LRP1B: variants seen among roughly 807,000 people sequenced by gnomAD.
LRP1B encodes LDL receptor related protein 1B.
A neutral mutation model predicts 556.6 loss-of-function variants in LRP1B; 217 were observed. The ratio of observed to expected loss-of-function variants is 0.39; its 90% CI spans 0.35 to 0.44. The LOEUF (loss-of-function observed/expected upper bound fraction) is 0.44, where lower values mean the gene tolerates loss of function less well. LRP1B is among the 20% of genes least tolerant of loss of function. The pLI is 1.00. For missense variants in LRP1B, 5,053 were observed against 5,620.8 expected (o/e 0.90, Z 3.23); for synonymous variants, 2,047 against 1,865.8 (o/e 1.10, Z -2.50).
chr2:140,827,903 A>C (rs1691564083), intron 31 of LRP1B, among the ~76,000 whole-genome samples: 4 of 152,138 alleles, frequency 2.6e-5, no homozygotes, highest in Admixed American at 2.6e-4. Context: ...AAGGAGCTCC[A>C]ATTCACTTGG....
chr2:141,872,820 AAATT>A (rs772159305), intron 1 of LRP1B, among the ~76,000 whole-genome samples: 4 of 152,158 alleles, frequency 2.6e-5, no homozygotes, highest in South Asian at 2.1e-4. Flanking sequence ...GATACTACTT[AAATT>A]AATTAATTAA....
rs62155431 is a variant in LRP1B, at chr2:141,906,016, G to C, written c.83-95615C>G. On this transcript the variant is annotated intron_variant, in intron 1 of 90. Transcript: ENST00000389484. ...GATGTGTGTGTGTGTGTGTGTGTGT[G>C]TGTGTGTGTCTGTGTGTATATACAT... Among the ~76,000 whole-genome samples the C allele has an allele frequency of 3.0e-5, 3 of 100,078 alleles. No homozygotes were observed. The Admixed American group carries it at 3.6e-4, about 12-fold the overall frequency. The allele number at this position is 100,078 out of a possible 152,430, so 65.7% of individuals were successfully genotyped here.
intron 1 of LRP1B, among the ~76,000 whole-genome samples, chr2:141,825,122 T>C (rs559223260): frequency 7.9e-4 from 121 of 152,216 alleles, no homozygotes; most frequent in Non-Finnish European, 1.6e-3. Context: ...GTTTATAAAT[T>C]ACCCAGTCTC....
At chr2:142,015,587 C>A (rs1330084155) in intron 1 of LRP1B, among the ~76,000 whole-genome samples, 1 of 152,020 alleles carries the variant, frequency 6.6e-6, no homozygotes, top group Non-Finnish European at 1.5e-5. Flanking sequence ...GAACAGGCAA[C>A]CCCTACAGAA....
intron 84 of LRP1B, among the ~76,000 whole-genome samples, chr2:140,278,032 T>C (rs1402161962): frequency 7.0e-5 from 3 of 42,634 alleles, no homozygotes; most frequent in Non-Finnish European, 5.9e-5. Flanking sequence ...AATGCACATA[T>C]ACAAACACAC....
chr2:141,596,114 AC>A (rs552124345), intron 2 of LRP1B, among the ~76,000 whole-genome samples: 156 of 151,938 alleles, frequency 1.0e-3, no homozygotes, highest in African/African-American at 3.2e-3. Context: ...ACCATGGCAA[AC>A]CTTTTGTTTA....
At chr2:141,011,022 A>G (rs994499873) in intron 14 of LRP1B, among the ~76,000 whole-genome samples, 1 of 148,598 alleles carries the variant, frequency 6.7e-6, no homozygotes, top group South Asian at 2.1e-4. Context: ...ATATAAATAA[A>G]TATAGTTTTT....
At chr2:140,873,123 A>G (rs1029400190) in intron 25 of LRP1B, among the ~76,000 whole-genome samples, 1 of 152,108 alleles carries the variant, frequency 6.6e-6, no homozygotes, top group Non-Finnish European at 1.5e-5. Flanking sequence ...AAGACTTTAG[A>G]AATGTGTTAA....
chr2:141,135,305 C>T (rs964954723), intron 7 of LRP1B, among the ~76,000 whole-genome samples: 5 of 151,896 alleles, frequency 3.3e-5, no homozygotes, highest in Admixed American at 2.0e-4. Flanking sequence ...ATTTTATCTG[C>T]GTAGCACAAT....
intron 29 of LRP1B, among the ~76,000 whole-genome samples, chr2:140,846,319 C>T (rs1192027032): frequency 6.6e-6 from 1 of 152,076 alleles, no homozygotes; most frequent in African/African-American, 2.4e-5. Flanking sequence ...CTTGGTGTTT[C>T]AGGACATGTA....
chr2:141,798,563 T>TGGGCGTG (rs1695897861), intron 2 of LRP1B, among the ~76,000 whole-genome samples: 2 of 151,294 alleles, frequency 1.3e-5, no homozygotes, highest in African/African-American at 4.9e-5. Context: ...AAAAATTAGC[T>TGGGCGTG]GGGCGTGGTG....
At chr2:141,480,323 T>C (rs1336362625) in intron 3 of LRP1B, 73 bp downstream of exon 3, 2 of 1,516,416 alleles carry the variant, frequency 1.3e-6, no homozygotes, top group Non-Finnish European at 9.1e-7. Flanking sequence ...AGGCAGGTTA[T>C]AGGTTTTCTT....
chr2:141,522,138 C>A (rs890149074), intron 2 of LRP1B, among the ~76,000 whole-genome samples: 39 of 152,078 alleles, frequency 2.6e-4, no homozygotes, highest in African/African-American at 9.4e-4. Context: ...GCTAGAAATG[C>A]AAATTTTCAG....
chr2:140,974,667 A>G (rs935636917), intron 18 of LRP1B, among the ~76,000 whole-genome samples: 5 of 152,200 alleles, frequency 3.3e-5, no homozygotes, highest in African/African-American at 7.2e-5. Context: ...AAACAAAAGC[A>G]TGTAATAGTG....
At chr2:140,446,498 T>C (rs1686665149) in intron 63 of LRP1B, among the ~76,000 whole-genome samples, 1 of 152,104 alleles carries the variant, frequency 6.6e-6, no homozygotes, top group Non-Finnish European at 1.5e-5. Context: ...ATTGTCAGCA[T>C]CTCTTATTGT....
At chr2:140,807,800 C>T (rs143915789) in intron 32 of LRP1B, among the ~76,000 whole-genome samples, 3 of 152,260 alleles carry the variant, frequency 2.0e-5, no homozygotes, top group Non-Finnish European at 2.9e-5. Context: ...TATTTGCCAG[C>T]TCTGACAGTT....
At chr2:141,017,449 A>C (rs1038272396) in intron 12 of LRP1B, among the ~76,000 whole-genome samples, 2 of 148,698 alleles carry the variant, frequency 1.3e-5, no homozygotes, top group African/African-American at 5.1e-5. Flanking sequence ...TCACACATAC[A>C]TGTGCCTGTG....
At chr2:140,660,477 C>G (rs190937291) in intron 41 of LRP1B, among the ~76,000 whole-genome samples, 25 of 152,218 alleles carry the variant, frequency 1.6e-4, no homozygotes, top group Admixed American at 3.3e-4. Flanking sequence ...AAGTTAAACA[C>G]AAAATTATAT....
At chr2:141,513,410 T>A (rs1684199448) in intron 2 of LRP1B, among the ~76,000 whole-genome samples, 1 of 152,048 alleles carries the variant, frequency 6.6e-6, no homozygotes, top group African/African-American at 2.4e-5. Flanking sequence ...TTTAAAAATG[T>A]ATAATATTAT....
Sources: allele counts gnomAD v4.1 joint callset (sites outside exome capture counted in the v4.1 genomes callset), GRCh38; gene constraint gnomAD v4.1.1; transcripts MANE v1.5; gene names NCBI Gene and HGNC (gene_info 2026-07-23, HGNC 2026-07-21).